Variants in CYP11A1 observed in about 807,000 individuals in gnomAD.
The protein encoded by CYP11A1 is cholesterol side-chain cleavage enzyme, mitochondrial.
Under a neutral mutation model 51.9 loss-of-function variants are expected in CYP11A1, and 25 were observed. The ratio of observed to expected loss-of-function variants is 0.48; its 90% CI spans 0.35 to 0.67. The LOEUF (loss-of-function observed/expected upper bound fraction) is 0.67, where lower values mean the gene tolerates loss of function less well. CYP11A1 is among the 30% of genes least tolerant of loss of function. The pLI is 0.00. For synonymous variants in CYP11A1, 245 were observed against 262.1 expected (o/e 0.93, Z 0.63); for missense variants, 578 against 680.9 (o/e 0.85, Z 1.68).
In CYP11A1 at chr15:74,337,831, G is replaced by A. The variant is rs946694325; in HGVS notation, c.*141C>T. 5.6e-6 allele frequency: 6 copies of A among 1,076,848 alleles called. No homozygotes were observed. Among genetic ancestry groups the A allele is most frequent in the Non-Finnish European group, 8.3e-6 (6 of 720,710 alleles). The allele number at this position is 1,076,848 out of a possible 1,614,324, so 66.7% of individuals were successfully genotyped here. ...GTGGCCCAGCTGAGCTGAGGAAGGT[G>A]ACCACTGAGAACCCATTCAACCTGC... On this transcript the variant is annotated 3_prime_UTR_variant, in exon 9 of 9. Transcript: ENST00000268053.
At chr15:74,348,375 C>A (rs759375969) in intron 1 of CYP11A1, 4 of 382,972 alleles carry the variant, frequency 1.0e-5, no homozygotes, top group African/African-American at 6.2e-5. Flanking sequence ...CACCCCCGAG[C>A]CTTCCATGGA....
At chr15:74,348,881 C>A (rs1441245459) in intron 1 of CYP11A1, among the ~76,000 whole-genome samples, 2 of 152,088 alleles carry the variant, frequency 1.3e-5, no homozygotes, top group African/African-American at 4.8e-5. Flanking sequence ...CTACAGGCAC[C>A]ACCATGCTTA....
intron 1 of CYP11A1, chr15:74,361,573 T>C: frequency 1.1e-6 from 1 of 899,488 alleles, no homozygotes; most frequent in Non-Finnish European, 1.8e-6. Flanking sequence ...CACCGTGTTC[T>C]TTGACATCGC....
chr15:74,352,776 G>A (rs1339940119), intron 1 of CYP11A1, among the ~76,000 whole-genome samples: 1 of 152,192 alleles, frequency 6.6e-6, no homozygotes, highest in African/African-American at 2.4e-5. Flanking sequence ...CACCTTTCAG[G>A]ACCAAACCAA....
At chr15:74,338,937 C>A (rs2060592898) in intron 7 of CYP11A1, among the ~76,000 whole-genome samples, 169 bp from the exon 8 acceptor site, 1 of 152,182 alleles carries the variant, frequency 6.6e-6, no homozygotes, top group African/African-American at 2.4e-5. Context: ...TTGAACAAGG[C>A]CCCGCCCCTC....
At chr15:74,359,626 A>T (rs1202581078) in intron 1 of CYP11A1, 1 of 152,138 alleles carries the variant, frequency 6.6e-6, no homozygotes, top group African/African-American at 2.4e-5. Context: ...CTTTGACTGT[A>T]ATTTTCCATG....
At chr15:74,364,536 G>A (rs562164788) in intron 1 of CYP11A1, 1 of 152,126 alleles carries the variant, frequency 6.6e-6, no homozygotes, top group South Asian at 2.1e-4. Flanking sequence ...ATTCTGTAAC[G>A]GGACCTTTGA....
chr15:74,339,857 C>A, intron 5 of CYP11A1, 104 bp from the exon 6 acceptor site: 1 of 1,102,494 alleles, frequency 9.1e-7, no homozygotes. Flanking sequence ...GAACCTCTTT[C>A]TCCCCGAACC....
intron 1 of CYP11A1, among the ~76,000 whole-genome samples, chr15:74,365,175 C>T (rs1010817510): frequency 1.3e-5 from 2 of 152,042 alleles, no homozygotes; most frequent in Admixed American, 6.6e-5. Flanking sequence ...ACCACCCCTG[C>T]GCCACCTCCG....
At chr15:74,358,694 A>G (rs1955144238) in intron 1 of CYP11A1, among the ~76,000 whole-genome samples, 1 of 152,228 alleles carries the variant, frequency 6.6e-6, no homozygotes, top group African/African-American at 2.4e-5. Flanking sequence ...CCTTTCCCGT[A>G]GGGTCTGAAA....
chr15:74,347,850 C>A, intron 2 of CYP11A1, 50 bp downstream of exon 2: 2 of 1,604,950 alleles, frequency 1.2e-6, no homozygotes, highest in Non-Finnish European at 1.7e-6. Flanking sequence ...GCCCTCTCCA[C>A]AGCTCCCCAC....
chr15:74,339,727 C>T lies in CYP11A1; in HGVS notation c.1017G>A (p.Leu339=), dbSNP rs1055566978. The change falls in exon 6 of 9, where the codon TTG becomes TTA. Residue 339 remains leucine (L), a synonymous_variant. Coordinates refer to ENST00000268053, the MANE Select transcript of CYP11A1 (RefSeq NM_000781.3). The part of the protein sequence containing the change: ...DTTSMTLQWH[L]YEMARNLKVQ... The stretch of plus-strand genomic sequence containing the variant: ...CCTTCAGGTTGCGTGCCATCTCATA[C>T]AAGTGCCACTGCAGGGTCATGGACG... 7 of 1,613,974 alleles carry T rather than the reference C, an allele frequency of 4.3e-6. No homozygotes were observed. The highest frequency in any genetic ancestry group is 4.2e-6 in the Non-Finnish European group (5 of 1,180,026).
chr15:74,354,152 C>T (rs547976491), intron 1 of CYP11A1, among the ~76,000 whole-genome samples: 4 of 152,320 alleles, frequency 2.6e-5, no homozygotes, highest in Non-Finnish European at 5.9e-5. Context: ...AATGTCAGGC[C>T]TCTGAGCCCA....
At chr15:74,340,912 A>C (rs1196257324) in intron 5 of CYP11A1, among the ~76,000 whole-genome samples, 1 of 152,196 alleles carries the variant, frequency 6.6e-6, no homozygotes, top group African/African-American at 2.4e-5. Flanking sequence ...GAAGCCCAGA[A>C]GTCTTCCCCA....
At chr15:74,338,301 C>A (rs2060588892) in intron 8 of CYP11A1, 198 bp from the exon 9 acceptor site, 3 of 728,692 alleles carry the variant, frequency 4.1e-6, no homozygotes, top group Non-Finnish European at 4.7e-6. Context: ...TAGGCCTAGA[C>A]CTTAACTTGT....
intron 1 of CYP11A1, among the ~76,000 whole-genome samples, chr15:74,354,971 G>A (rs2060672290): frequency 6.6e-6 from 1 of 152,100 alleles, no homozygotes; most frequent in Admixed American, 6.5e-5. Context: ...GGGGACACCT[G>A]CCTTGATCCT....
chr15:74,343,239 G>A (rs527668101), intron 4 of CYP11A1, 102 bp from the exon 5 acceptor site: 231 of 1,206,528 alleles, frequency 1.9e-4, no homozygotes, highest in Admixed American at 4.4e-4. Context: ...TGGGGATTCC[G>A]GAGCCCTGTG....
intron 1 of CYP11A1, among the ~76,000 whole-genome samples, chr15:74,353,547 T>C (rs994780661): frequency 6.6e-6 from 1 of 152,210 alleles, no homozygotes; most frequent in African/African-American, 2.4e-5. Context: ...AAAGTGAATT[T>C]GTTAATTGCA....
intron 5 of CYP11A1, among the ~76,000 whole-genome samples, chr15:74,341,276 G>C (rs2060606172): frequency 6.6e-6 from 1 of 152,140 alleles, no homozygotes; most frequent in Non-Finnish European, 1.5e-5. Flanking sequence ...CGTTTCTTTG[G>C]TGCCGGTGAG....
Sources: allele counts gnomAD v4.1 joint callset (sites outside exome capture counted in the v4.1 genomes callset), GRCh38; gene constraint gnomAD v4.1.1; transcripts MANE v1.5; gene names NCBI Gene and HGNC (gene_info 2026-07-23, HGNC 2026-07-21).